The following ASIC2 variants were observed in gnomAD, a reference collection of about 807,000 sequenced individuals.
The protein encoded by ASIC2 is acid-sensing ion channel 2.
Under a neutral mutation model 57.3 loss-of-function variants are expected in ASIC2, and 25 were observed. That is an observed-to-expected ratio of 0.44 (90% confidence interval 0.32 to 0.61). ASIC2 has a LOEUF of 0.61. Ranked by LOEUF, ASIC2 falls within the 20% of genes least tolerant of loss-of-function variation. The probability of loss-of-function intolerance (pLI) is 0.06; values close to 1 mark genes in which losing one functional copy is unlikely to be tolerated. For synonymous variants in ASIC2, 319 were observed against 307.5 expected (o/e 1.04, Z -0.39); for missense variants, 641 against 738.1 (o/e 0.87, Z 1.52).
At chr17:33,845,876 C>T (rs1237443498) in intron 1 of ASIC2, among the ~76,000 whole-genome samples, 1 of 152,164 alleles carries the variant, frequency 6.6e-6, no homozygotes, top group Non-Finnish European at 1.5e-5. Context: ...ATTTCAGAGT[C>T]CCTATTGCCT....
chr17:34,051,522 A>G (rs1908554285), intron 1 of ASIC2, among the ~76,000 whole-genome samples: 1 of 152,232 alleles, frequency 6.6e-6, no homozygotes, highest in South Asian at 2.1e-4. Context: ...CAGGACTATC[A>G]GTTATTTTCA....
chr17:34,038,981 A>G (rs3744516), intron 1 of ASIC2: 897,255 of 1,613,800 alleles, frequency 0.56, 259,229 homozygotes, highest in African/African-American at 0.92. Context: ...GTAGTAAAGT[A>G]GCCCAGTCTC....
At chr17:33,313,085 A>G (rs1029018041) in intron 1 of ASIC2, among the ~76,000 whole-genome samples, 3 of 152,100 alleles carry the variant, frequency 2.0e-5, no homozygotes, top group Non-Finnish European at 2.9e-5. Context: ...AGGTGGGAGG[A>G]TTCCTTGAGC....
At chr17:33,443,674 C>T (rs2141985605) in intron 1 of ASIC2, among the ~76,000 whole-genome samples, 1 of 151,790 alleles carries the variant, frequency 6.6e-6, no homozygotes, top group South Asian at 2.1e-4. Context: ...CCTCGGCCTC[C>T]CAAAGTGCTG....
intron 1 of ASIC2, among the ~76,000 whole-genome samples, chr17:33,721,475 C>T (rs572883849): frequency 4.8e-4 from 73 of 152,344 alleles, no homozygotes; most frequent in African/African-American, 1.8e-3. Context: ...AGCAAACCCC[C>T]AGGTCTGTGC....
chr17:33,260,898 T>C (rs1014743276), intron 1 of ASIC2, among the ~76,000 whole-genome samples: 3 of 152,238 alleles, frequency 2.0e-5, no homozygotes, highest in Non-Finnish European at 2.9e-5. Flanking sequence ...CGTAGCATGA[T>C]TGCAGACATT....
intron 1 of ASIC2, among the ~76,000 whole-genome samples, chr17:33,533,918 G>C (rs1366477833): frequency 1.3e-5 from 2 of 152,178 alleles, no homozygotes; most frequent in Non-Finnish European, 2.9e-5. Flanking sequence ...ATGTTTCTCT[G>C]TAAGGTGAAG....
At chr17:33,424,541 C>G (rs1342952365) in intron 1 of ASIC2, among the ~76,000 whole-genome samples, 1 of 152,162 alleles carries the variant, frequency 6.6e-6, no homozygotes, top group African/African-American at 2.4e-5. Context: ...CATTGGGTAG[C>G]CTGAAAATAA....
At chr17:34,078,615 G>C (rs926967690) in intron 1 of ASIC2, among the ~76,000 whole-genome samples, 11 of 152,142 alleles carry the variant, frequency 7.2e-5, no homozygotes, top group African/African-American at 2.7e-4. Context: ...CAACATAAAG[G>C]GATTGCCATA....
chr17:34,032,669 T>G (rs923029255), intron 1 of ASIC2, among the ~76,000 whole-genome samples: 1 of 151,944 alleles, frequency 6.6e-6, no homozygotes, highest in Non-Finnish European at 1.5e-5. Context: ...TGGAGGAAGA[T>G]CTACCAAGCA....
At chr17:33,338,924 G>A (rs1488142469) in intron 1 of ASIC2, among the ~76,000 whole-genome samples, 2 of 152,140 alleles carry the variant, frequency 1.3e-5, no homozygotes, top group Non-Finnish European at 2.9e-5. Flanking sequence ...TGGAGGGATG[G>A]ATCAATGGGA....
chr17:33,959,908 C>G (rs967447443), intron 1 of ASIC2, among the ~76,000 whole-genome samples: 2 of 152,244 alleles, frequency 1.3e-5, no homozygotes, highest in Non-Finnish European at 2.9e-5. Context: ...TGTTCCAGCA[C>G]TCATTCCTCA....
chr17:33,678,880 G>A (rs1907911319), intron 1 of ASIC2, among the ~76,000 whole-genome samples: 1 of 152,112 alleles, frequency 6.6e-6, no homozygotes, highest in Non-Finnish European at 1.5e-5. Flanking sequence ...GAGACAAATG[G>A]AGCAAGTGAG....
At chr17:34,085,153 T>C (rs61409770) in intron 1 of ASIC2, among the ~76,000 whole-genome samples, 2,723 of 152,282 alleles carry the variant, frequency 0.018, 78 homozygotes, top group East Asian at 0.06. Context: ...TTTGCCCATT[T>C]AGTATGATAT....
intron 1 of ASIC2, among the ~76,000 whole-genome samples, chr17:33,974,136 C>G (rs1335439870): frequency 2.0e-5 from 3 of 151,624 alleles, no homozygotes; most frequent in Non-Finnish European, 4.4e-5. Flanking sequence ...TTTTTCTCCT[C>G]AAACCTCCTG....
At chr17:33,198,618 A>C (rs1441376216) in intron 1 of ASIC2, among the ~76,000 whole-genome samples, 1 of 152,168 alleles carries the variant, frequency 6.6e-6, no homozygotes, top group African/African-American at 2.4e-5. Flanking sequence ...TTACCTTTTG[A>C]GGTCACCTTC....
At chr17:33,531,298 G>C (rs907487751) in intron 1 of ASIC2, among the ~76,000 whole-genome samples, 3 of 152,054 alleles carry the variant, frequency 2.0e-5, no homozygotes, top group African/African-American at 4.8e-5. Context: ...CATAAAGCTG[G>C]GCAGGGGGCA....
intron 1 of ASIC2, among the ~76,000 whole-genome samples, chr17:33,512,630 C>T (rs894360261): frequency 5.3e-5 from 8 of 152,122 alleles, no homozygotes; most frequent in Non-Finnish European, 1.2e-4. Flanking sequence ...AGTACCATCA[C>T]GTCTACACTC....
At chr17:33,913,901 T>C (rs1273218216) in intron 1 of ASIC2, among the ~76,000 whole-genome samples, 3 of 152,202 alleles carry the variant, frequency 2.0e-5, no homozygotes, top group Non-Finnish European at 2.9e-5. Context: ...TTCCCAACAG[T>C]GCTGTGAGAT....
Sources: gnomAD v4.1 joint callset for allele counts (sites outside exome capture counted in the v4.1 genomes callset) on GRCh38, gnomAD v4.1.1 for gene constraint, MANE v1.5 for transcripts, NCBI Gene and HGNC (gene_info 2026-07-23, HGNC 2026-07-21) for gene names.